NFASC: variants seen among roughly 807,000 people sequenced by gnomAD.
NFASC encodes the protein neurofascin homolog.
A neutral mutation model predicts 147.5 loss-of-function variants in NFASC; 43 were observed. That is an observed-to-expected ratio of 0.29 (90% confidence interval 0.23 to 0.38). NFASC has a LOEUF of 0.38. Ranked by LOEUF, NFASC falls within the 10% of genes least tolerant of loss-of-function variation. The pLI, the probability that NFASC is intolerant of heterozygous loss-of-function variation, is 1.00. For synonymous variants in NFASC, 622 were observed against 665.5 expected (o/e 0.93, Z 1.01); for missense variants, 1,320 against 1,689.0 (o/e 0.78, Z 3.83).
intron 1 of NFASC, among the ~76,000 whole-genome samples, chr1:204,848,868 C>A (rs550758988): frequency 3.3e-5 from 5 of 152,342 alleles, no homozygotes; most frequent in Non-Finnish European, 7.3e-5. Context: ...ATTATCATCC[C>A]TACCCCAGCT....
chr1:204,950,443 A>T (rs527427369), intron 3 of NFASC, 114 bp from the exon 4 acceptor site: 18 of 970,328 alleles, frequency 1.9e-5, no homozygotes, highest in Non-Finnish European at 2.4e-5. Flanking sequence ...CGCCCTCCCC[A>T]GGCACACCCC....
Position 204,987,265 on chromosome 1 carries a change from T to C in NFASC, c.2471-153T>C. The C allele has an allele frequency of 1.4e-6, 1 of 696,012 alleles. No individual in the cohort carries two copies. Among genetic ancestry groups the C allele is most frequent in the South Asian group, 1.9e-5 (1 of 53,054 alleles). The allele number at this position is 696,012 out of a possible 1,614,324, so 43.1% of individuals were successfully genotyped here. ...TGGATGGGGCAATGGGCTCCGGTCG[T>C]CTCACGGTTCTCCCAGGCTTCAGTT... On this transcript the variant is annotated intron_variant, in intron 21 of 29. Transcript: ENST00000339876. The surrounding 1 kb of genome is among the most constrained non-coding windows in gnomAD (Gnocchi z 4.4).
rs1553392677 is a variant in NFASC at position 204,877,028 on chromosome 1, A to AAT, written c.-199-43597_-199-43596dup. On this transcript the variant is annotated intron_variant, in intron 1 of 29. Coordinates refer to ENST00000339876, the MANE Select transcript of NFASC (RefSeq NM_001005388.3). ...TATATATATATATATATATATATAT[A>AAT]ATATATATTTATATATATATAATAT... Among the ~76,000 whole-genome samples, 324 of 84,516 alleles carry AAT rather than the reference A, an allele frequency of 3.8e-3. 5 individuals are homozygous for AAT. The highest frequency in any genetic ancestry group is 4.9e-3 in the Non-Finnish European group (256 of 52,436). 55.4% of individuals were successfully genotyped at this position (84,516 alleles called of 152,430 possible). A position where few individuals can be genotyped will look rare whatever the true frequency, so the allele number is the denominator to read the frequency against.
rs115445387 is a variant in NFASC at position 204,950,879 on chromosome 1, G to A, written c.109+305G>A. Among the ~76,000 whole-genome samples the A allele has an allele frequency of 3.0e-3, 458 of 152,226 alleles. 1 individual carries two copies. The highest frequency in any genetic ancestry group is 0.01 in the African/African-American group (431 of 41,544). On this transcript the variant is annotated intron_variant, in intron 4 of 29. Coordinates refer to ENST00000339876, the MANE Select transcript of NFASC (RefSeq NM_001005388.3). ...ACCCCAGGGTAGCACACTGGCACTT[G>A]GGACCTAGAAGGGGAGGATCTGGGA... is the stretch of plus-strand genomic sequence containing the variant.
intron 21 of NFASC, among the ~76,000 whole-genome samples, chr1:204,983,242 T>C (rs1482538506): frequency 1.3e-5 from 2 of 152,130 alleles, no homozygotes; most frequent in East Asian, 1.9e-4. Context: ...GAATCAGTTA[T>C]GGGGGAGGGA....
At chr1:204,916,258 G>T (rs1382911568) in intron 1 of NFASC, among the ~76,000 whole-genome samples, 1 of 152,204 alleles carries the variant, frequency 6.6e-6, no homozygotes, top group Non-Finnish European at 1.5e-5. Context: ...GGAGTATCAG[G>T]TATCCTTCCT....
intron 23 of NFASC, chr1:204,989,965 C>G (rs372861315): frequency 6.6e-6 from 1 of 152,312 alleles, no homozygotes; most frequent in African/African-American, 2.4e-5. Flanking sequence ...CACCCCTACC[C>G]GCATTCCAGG....
At chr1:205,006,136 C>G (rs2029141) in intron 27 of NFASC, among the ~76,000 whole-genome samples, 7,122 of 152,094 alleles carry the variant, frequency 0.047, 341 homozygotes, top group African/African-American at 0.12. Context: ...TTCTAGCACA[C>G]GGGCAAGCCA....
At chr1:204,882,376 C>A (rs972648560) in intron 1 of NFASC, among the ~76,000 whole-genome samples, 1 of 152,164 alleles carries the variant, frequency 6.6e-6, no homozygotes, top group Non-Finnish European at 1.5e-5. Flanking sequence ...AATGTTCCAG[C>A]CAGCTCTAGC....
chr1:204,997,318 C>T lies in NFASC; in HGVS notation c.2931C>T (p.Val977=), dbSNP rs747933135. The change falls in exon 25 of 30, where the codon GTC becomes GTT. Residue 977 remains valine (V), a synonymous_variant. Transcript: ENST00000339876. ...APTTIATTTT[V]ATTTTTTAAA... is the part of the protein sequence containing the mutation. Reference sequence around the variant, plus strand: ...CCACCATCGCCACCACCACCACCGTCGCCACAACTACTACAACCACTGCTG... The same window carrying T: ...CCACCATCGCCACCACCACCACCGTTGCCACAACTACTACAACCACTGCTG... 1.3e-5 allele frequency: 20 copies of T among 1,583,814 alleles called. No individual in the cohort carries two copies. Among genetic ancestry groups the T allele is most frequent in the East Asian group, 7.0e-5 (3 of 42,628 alleles).
At chr1:205,012,749 A>G (rs1390078749) in intron 28 of NFASC, 48 bp from the exon 29 acceptor site, 2 of 1,355,046 alleles carry the variant, frequency 1.5e-6, no homozygotes, top group Admixed American at 1.7e-5. Flanking sequence ...GAGCAGGGGC[A>G]TGTACTTAAT....
intron 1 of NFASC, among the ~76,000 whole-genome samples, chr1:204,903,310 C>T (rs2085067669): frequency 6.6e-6 from 1 of 152,134 alleles, no homozygotes; most frequent in Admixed American, 6.5e-5. Flanking sequence ...GTGATCCCTC[C>T]CAGTGTGTTT....
chr1:204,977,601 G>T, intron 16 of NFASC, 80 bp from the exon 17 acceptor site: 1 of 1,373,536 alleles, frequency 7.3e-7, no homozygotes, highest in South Asian at 1.3e-5. Context: ...TTTAAGCCTC[G>T]GCTGCCTACC....
At chr1:204,921,314 C>T (rs999424667) in intron 2 of NFASC, among the ~76,000 whole-genome samples, 2 of 152,190 alleles carry the variant, frequency 1.3e-5, no homozygotes, top group African/African-American at 2.4e-5. Context: ...CCCTGGTAGC[C>T]GGGGAGGACA....
At chr1:204,944,048 C>T (rs913154241) in intron 2 of NFASC, among the ~76,000 whole-genome samples, 178 bp from the exon 3 acceptor site, 1 of 152,156 alleles carries the variant, frequency 6.6e-6, no homozygotes, top group Non-Finnish European at 1.5e-5. Flanking sequence ...GACAGTTCCC[C>T]AGGCCAAGAA....
intron 1 of NFASC, among the ~76,000 whole-genome samples, chr1:204,863,425 T>A (rs2076831210): frequency 6.6e-6 from 1 of 152,230 alleles, no homozygotes; most frequent in Non-Finnish European, 1.5e-5. Flanking sequence ...GAAACACAGT[T>A]GTCTATATAA....
chr1:205,003,456 G>A (rs12091866), intron 27 of NFASC, among the ~76,000 whole-genome samples: 4,933 of 152,246 alleles, frequency 0.032, 251 homozygotes, highest in African/African-American at 0.11. Flanking sequence ...AGGGTACAAG[G>A]TTCAGCAATC....
At chr1:204,969,208 C>T (rs1373749397) in intron 10 of NFASC, among the ~76,000 whole-genome samples, 1 of 152,154 alleles carries the variant, frequency 6.6e-6, no homozygotes, top group Non-Finnish European at 1.5e-5. Flanking sequence ...CCCTGGCCAT[C>T]ATCCAACTCT....
At chr1:205,008,447 G>A (rs1257513505) in intron 27 of NFASC, 1 of 152,686 alleles carries the variant, frequency 6.5e-6, no homozygotes, top group African/African-American at 2.4e-5. Flanking sequence ...TGGGCTGGCT[G>A]GTTCCAGGGT....
Sources: allele counts gnomAD v4.1 joint callset (sites outside exome capture counted in the v4.1 genomes callset), GRCh38; gene constraint gnomAD v4.1.1; non-coding constraint Gnocchi (gnomAD v3.1); transcripts MANE v1.5; gene names NCBI Gene and HGNC (gene_info 2026-07-23, HGNC 2026-07-21).